The following RFTN1 variants were observed in gnomAD, a reference collection of about 807,000 sequenced individuals.
RFTN1 encodes raftlin.
RFTN1 carries 26 observed loss-of-function variants against 46.5 expected under a neutral mutation model. That is an observed-to-expected ratio of 0.56 (90% CI 0.41 to 0.78). The LOEUF (loss-of-function observed/expected upper bound fraction) is 0.78, where lower values mean the gene tolerates loss of function less well. Among genes scored for constraint, RFTN1 ranks in the 30% least tolerant of loss-of-function variants. The pLI, the probability that RFTN1 is intolerant of heterozygous loss-of-function variation, is 0.00. For missense variants in RFTN1, 693 were observed against 718.7 expected (o/e 0.96, Z 0.41); for synonymous variants, 261 against 284.2 (o/e 0.92, Z 0.82).
Position 16,431,335 on chromosome 3 carries a change from T to C in RFTN1, c.332+2516A>G, listed in dbSNP as rs139067279. On this transcript the variant is annotated intron_variant, in intron 3 of 9. Coordinates refer to ENST00000334133, the MANE Select transcript of RFTN1 (RefSeq NM_015150.2). ...TCCTCCACACACTTGCTACTCAAAG[T>C]GCGTGCCACGGACCATCAGCATCTG... 3.3e-5 allele frequency among the ~76,000 whole-genome samples: 5 copies of C among 152,258 alleles called. No individual in the cohort carries two copies. The East Asian group carries it at 7.7e-4, about 23-fold the overall frequency.
In RFTN1 at chr3:16,381,555, T is replaced by A. The variant is rs1486173217; in HGVS notation, c.442-3453A>T. ...TCACCTTAAAGCATTCAAATCCAAT[T>A]TTTTTTTTCCAAAATGCCATGCTAG... On this transcript the variant is annotated intron_variant, in intron 4 of 9. Transcript: ENST00000334133. The surrounding 1 kb of genome is among the most constrained non-coding windows in gnomAD (Gnocchi z 4.2). 6.6e-6 allele frequency among the ~76,000 whole-genome samples: 1 copy of A among 151,520 alleles called. No homozygotes were observed. Among genetic ancestry groups the A allele is most frequent in the Non-Finnish European group, 1.5e-5 (1 of 67,930 alleles).
In RFTN1 at chr3:16,370,111, A is replaced by AG; in HGVS notation, c.994dup (p.Leu332ProfsTer13). 6.2e-7 allele frequency: 1 copy of AG among 1,614,254 alleles called. No individual in the cohort carries two copies. The highest frequency in any genetic ancestry group is 8.5e-7 in the Non-Finnish European group (1 of 1,180,044). ...TCCAAGGTAGAAGACTGCGTTCACC[A>AG]GCATGCCTCCTTTCCGGAAGTGGTC... On this transcript the variant is annotated frameshift_variant, in exon 6 of 10. Transcript: ENST00000334133. LOFTEE classifies it high-confidence loss of function. This position sits in a 1 kb window ranked among gnomAD's most constrained non-coding sequence, Gnocchi z 5.5.
intron 6 of RFTN1, among the ~76,000 whole-genome samples, chr3:16,362,296 G>A (rs750174050): frequency 1.3e-5 from 2 of 152,176 alleles, no homozygotes; most frequent in African/African-American, 2.4e-5. Flanking sequence ...CTTGGCAGAT[G>A]CTAAGCTTGC....
In RFTN1 at chr3:16,440,803, T is replaced by C. The variant is rs1384980296; in HGVS notation, c.146-6766A>G. 6.6e-6 allele frequency among the ~76,000 whole-genome samples: 1 copy of C among 152,122 alleles called. No homozygotes were observed. Among genetic ancestry groups the C allele is most frequent in the Non-Finnish European group, 1.5e-5 (1 of 68,008 alleles). On this transcript the variant is annotated intron_variant, in intron 2 of 9. Coordinates refer to ENST00000334133, the MANE Select transcript of RFTN1 (RefSeq NM_015150.2). The surrounding 1 kb of genome is among the most constrained non-coding windows in gnomAD (Gnocchi z 4.6). ...AACTGTAATTTTTTTCTCAATCCCA[T>C]ATGGCCAAAGTCAAGACCTAGCAGC... is the stretch of plus-strand genomic sequence containing the variant.
At position 16,321,593 on chromosome 3, in the gene RFTN1, C is replaced by CT. The variant is rs751443670; in HGVS notation, c.1332+1782dup. ...CAAGGAGTCTGGCTGTGAAGCCCCC[C>CT]TCTCTGGAGGACTCCCATCTGTGAG... is the stretch of plus-strand genomic sequence containing the variant. On this transcript the variant is annotated intron_variant, in intron 9 of 9. Transcript: ENST00000334133. The surrounding 1 kb of genome is among the most constrained non-coding windows in gnomAD (Gnocchi z 4.8). Among the ~76,000 whole-genome samples the CT allele has an allele frequency of 7.2e-5, 11 of 152,314 alleles. No homozygotes were observed. The highest frequency in any genetic ancestry group is 8.8e-5 in the Non-Finnish European group (6 of 68,016).
At chr3:16,330,155 A>G (rs2070166371) in intron 7 of RFTN1, among the ~76,000 whole-genome samples, 1 of 152,244 alleles carries the variant, frequency 6.6e-6, no homozygotes, top group Non-Finnish European at 1.5e-5. Context: ...CCTGCTTGAG[A>G]GAGCTGAAGG....
At chr3:16,432,033 T>A (rs1234127883) in intron 3 of RFTN1, among the ~76,000 whole-genome samples, 1 of 152,226 alleles carries the variant, frequency 6.6e-6, no homozygotes. Flanking sequence ...GGAACAAAGA[T>A]GACACTTATT....
chr3:16,324,373 A>G (rs1450318763), intron 8 of RFTN1, among the ~76,000 whole-genome samples: 1 of 152,188 alleles, frequency 6.6e-6, no homozygotes, highest in Admixed American at 6.5e-5. Context: ...GCAATAGATG[A>G]CCAAGGCTTA....
At position 16,479,474 on chromosome 3, in the gene RFTN1, T is replaced by C. The variant is rs549381127; in HGVS notation, c.145+14251A>G. Among the ~76,000 whole-genome samples the C allele has an allele frequency of 3.4e-4, 52 of 152,208 alleles. No homozygotes were observed. The South Asian group carries it at 0.01, about 30-fold the overall frequency. ...CCAGTCTGAGGGATATGGAAGGCAA[T>C]CCAGAAAAACCTCAACATCCTTCTC... On this transcript the variant is annotated intron_variant, in intron 2 of 9. Transcript: ENST00000334133. This position sits in a 1 kb window ranked among gnomAD's most constrained non-coding sequence, Gnocchi z 5.1.
chr3:16,436,960 C>T (rs1047195062), intron 2 of RFTN1, among the ~76,000 whole-genome samples: 1 of 152,102 alleles, frequency 6.6e-6, no homozygotes, highest in African/African-American at 2.4e-5. Flanking sequence ...CTAAAAAAGT[C>T]TGTGGGTATT....
intron 6 of RFTN1, among the ~76,000 whole-genome samples, chr3:16,367,655 G>C (rs796232402): frequency 7.4e-6 from 1 of 135,682 alleles, no homozygotes; most frequent in Non-Finnish European, 1.6e-5. Flanking sequence ...TTAAAGCCAA[G>C]GGAGGCTATA....
intron 2 of RFTN1, among the ~76,000 whole-genome samples, chr3:16,435,526 C>T (rs909419233): frequency 2.0e-5 from 3 of 152,092 alleles, no homozygotes; most frequent in Non-Finnish European, 2.9e-5. Flanking sequence ...GCCGAGATTG[C>T]GCCACTGCAC....
At chr3:16,398,535 G>A (rs1388317244) in intron 4 of RFTN1, among the ~76,000 whole-genome samples, 12 of 152,178 alleles carry the variant, frequency 7.9e-5, no homozygotes, top group African/African-American at 2.7e-4. Flanking sequence ...CTCATCCACT[G>A]CCAGTCTACC....
intron 7 of RFTN1, among the ~76,000 whole-genome samples, chr3:16,343,290 T>C (rs949801011): frequency 6.6e-6 from 1 of 152,240 alleles, no homozygotes; most frequent in Non-Finnish European, 1.5e-5. Context: ...TTGACAGTCC[T>C]AGGCCCCAGC....
chr3:16,388,079 G>GC (rs1488926126), intron 4 of RFTN1, among the ~76,000 whole-genome samples: 1 of 152,202 alleles, frequency 6.6e-6, no homozygotes, highest in Non-Finnish European at 1.5e-5. Flanking sequence ...CCTGAAATGG[G>GC]TCTTGCCCAC....
rs149718103 is a variant in RFTN1, at chr3:16,413,651, T to C, written c.333-4168A>G. Among the ~76,000 whole-genome samples, 1 of 152,284 alleles carries C rather than the reference T, an allele frequency of 6.6e-6. No homozygotes were observed. The highest frequency in any genetic ancestry group is 2.4e-5 in the African/African-American group (1 of 41,566). On this transcript the variant is annotated intron_variant, in intron 3 of 9. Coordinates refer to ENST00000334133, the MANE Select transcript of RFTN1 (RefSeq NM_015150.2). This position sits in a 1 kb window ranked among gnomAD's most constrained non-coding sequence, Gnocchi z 4.7. ...GCATTTCTGGAGACGTACACAGGGT[T>C]AACTAACAGCAAAAGCCCCCCCAAC...
chr3:16,352,934 C>T lies in RFTN1; in HGVS notation c.1146+4998G>A, dbSNP rs895861997. 3.3e-5 allele frequency among the ~76,000 whole-genome samples: 5 copies of T among 152,154 alleles called. No individual in the cohort carries two copies. Among genetic ancestry groups the T allele is most frequent in the Admixed American group, 6.5e-5 (1 of 15,268 alleles). ...TGTCTTGCCAACGTGCTGCACTGTC[C>T]GCACACTACATTTTCGTGTGTCCAT... On this transcript the variant is annotated intron_variant, in intron 7 of 9. Transcript: ENST00000334133. The surrounding 1 kb of genome is among the most constrained non-coding windows in gnomAD (Gnocchi z 4.6).
Position 16,449,909 on chromosome 3 carries a change from GA to G in RFTN1, c.146-15873del, listed in dbSNP as rs1395186271. On this transcript the variant is annotated intron_variant, in intron 2 of 9. Coordinates refer to ENST00000334133, the MANE Select transcript of RFTN1 (RefSeq NM_015150.2). This position sits in a 1 kb window ranked among gnomAD's most constrained non-coding sequence, Gnocchi z 5.1. ...GCAGAAGCCTAGAGAGCTGGTTCTA[GA>G]AAATGGCCCCATCTCTAGAAGTGAC... 1.3e-5 allele frequency among the ~76,000 whole-genome samples: 2 copies of G among 152,322 alleles called. No individual in the cohort carries two copies. Among genetic ancestry groups the G allele is most frequent in the Admixed American group, 6.5e-5 (1 of 15,304 alleles).
rs566037788 is a variant in RFTN1 at position 16,341,928 on chromosome 3, G to A, written c.1147-15052C>T. Among the ~76,000 whole-genome samples the A allele has an allele frequency of 2.6e-5, 4 of 152,298 alleles. No homozygotes were observed. Among genetic ancestry groups the A allele is most frequent in the East Asian group, 1.9e-4 (1 of 5,188 alleles). On this transcript the variant is annotated intron_variant, in intron 7 of 9. Coordinates refer to ENST00000334133, the MANE Select transcript of RFTN1 (RefSeq NM_015150.2). The surrounding 1 kb of genome is among the most constrained non-coding windows in gnomAD (Gnocchi z 4.7). The stretch of plus-strand genomic sequence containing the variant: ...AGGAAGGATTATCCTAAGATGCTAT[G>A]CAGCTACCTTCTAGTGATGCTGAAA...
Sources: allele counts gnomAD v4.1 joint callset (sites outside exome capture counted in the v4.1 genomes callset), GRCh38; gene constraint gnomAD v4.1.1; non-coding constraint Gnocchi (gnomAD v3.1); transcripts MANE v1.5; gene names NCBI Gene and HGNC (gene_info 2026-07-23, HGNC 2026-07-21).